The following BCAS3 variants were observed in gnomAD, a reference collection of about 807,000 sequenced individuals.
BCAS3 encodes the protein BCAS4/BCAS3 fusion.
In BCAS3, 53 loss-of-function variants were observed where a neutral mutation model predicts 116.1. That is an observed-to-expected ratio of 0.46 (90% confidence interval 0.37 to 0.57). The LOEUF is 0.57. Among genes scored for constraint, BCAS3 ranks in the 20% least tolerant of loss-of-function variants. The probability of loss-of-function intolerance (pLI) is 0.00; values close to 1 mark genes in which losing one functional copy is unlikely to be tolerated. For missense variants in BCAS3, 917 were observed against 1,165.4 expected (o/e 0.79, Z 3.10); for synonymous variants, 391 against 408.2 (o/e 0.96, Z 0.51).
intron 5 of BCAS3, among the ~76,000 whole-genome samples, chr17:60,710,297 C>T (rs2037698044): frequency 6.6e-6 from 1 of 152,056 alleles, no homozygotes; most frequent in Non-Finnish European, 1.5e-5. Flanking sequence ...TATTGTTGCT[C>T]CTTGAATGAT....
intron 22 of BCAS3, among the ~76,000 whole-genome samples, chr17:61,308,472 C>A (rs991804923): frequency 6.8e-6 from 1 of 147,072 alleles, no homozygotes. Context: ...GGAGGAATTT[C>A]TCTAAACACA....
At chr17:60,765,018 C>CT (rs1292877244) in intron 6 of BCAS3, among the ~76,000 whole-genome samples, 3 of 151,834 alleles carry the variant, frequency 2.0e-5, no homozygotes, top group African/African-American at 7.3e-5. Context: ...GCAACCCCTG[C>CT]TTTTTTTTGC....
intron 5 of BCAS3, among the ~76,000 whole-genome samples, chr17:60,726,204 A>AT (rs111326766): frequency 2.2e-3 from 244 of 109,518 alleles, no homozygotes; most frequent in Middle Eastern, 7.9e-3. Context: ...CAGAGGGAGG[A>AT]TTTTTTTTTT....
Position 61,037,900 on chromosome 17 carries a change from C to G in BCAS3, c.1774C>G (p.Gln592Glu). ...TTCTCTGTTTGTAGATCAGTCCAAA[C>G]AAGTTGTAGTTGAGTCCCTGTACAT... ...GLKREKDQSK[Q>E]VVVESLYIIS... The change falls in exon 18 of 24, where the codon CAA becomes GAA. Residue 592 changes from glutamine to glutamate, a missense_variant. Transcript: ENST00000407086. The surrounding 1 kb of genome is among the most constrained non-coding windows in gnomAD (Gnocchi z 4.7). The G allele has an allele frequency of 6.2e-7, 1 of 1,613,786 alleles. No individual in the cohort carries two copies.
chr17:60,791,544 A>G (rs1253896398), intron 6 of BCAS3, among the ~76,000 whole-genome samples: 1 of 151,776 alleles, frequency 6.6e-6, no homozygotes, highest in Non-Finnish European at 1.5e-5. Context: ...GTACTAGCTG[A>G]CTGGGAGGCT....
intron 3 of BCAS3, 113 bp from the exon 4 acceptor site, chr17:60,689,573 G>C (rs527559573): frequency 1.6e-6 from 1 of 607,586 alleles, no homozygotes; most frequent in South Asian, 2.4e-5. Flanking sequence ...CCAAGATGTA[G>C]GGTTGGTGAA....
At position 61,189,123 on chromosome 17, in the gene BCAS3, AAG is replaced by A. The variant is rs754656266; in HGVS notation, c.2425+104575_2425+104576del. On this transcript the variant is annotated intron_variant, in intron 22 of 23. Coordinates refer to ENST00000407086, the MANE Select transcript of BCAS3 (RefSeq NM_017679.5). This position sits in a 1 kb window ranked among gnomAD's most constrained non-coding sequence, Gnocchi z 4.5. Reference sequence around the variant, plus strand: ...GCCTGAAAACAAAACAAAACAAAAAAAGAGAGAGAGAGAGAGAACAGCACACT... The same window carrying A: ...GCCTGAAAACAAAACAAAACAAAAAAAGAGAGAGAGAGAGAACAGCACACT... Among the ~76,000 whole-genome samples the A allele has an allele frequency of 5.3e-5, 8 of 151,730 alleles. No individual in the cohort carries two copies. The East Asian group carries it at 1.4e-3, about 26-fold the overall frequency.
Position 61,258,210 on chromosome 17 carries a change from T to C in BCAS3, c.2426-110117T>C, listed in dbSNP as rs1444176433. ...TCTTTTCTCTGAATATCTTTGTCTT[T>C]AATAGTCATTGCCCTCTTATGGGAC... On this transcript the variant is annotated intron_variant, in intron 22 of 23. Coordinates refer to ENST00000407086, the MANE Select transcript of BCAS3 (RefSeq NM_017679.5). The surrounding 1 kb of genome is among the most constrained non-coding windows in gnomAD (Gnocchi z 4.7). Among the ~76,000 whole-genome samples the C allele has an allele frequency of 6.6e-6, 1 of 152,246 alleles. No individual in the cohort carries two copies. Among genetic ancestry groups the C allele is most frequent in the Non-Finnish European group, 1.5e-5 (1 of 68,030 alleles).
intron 4 of BCAS3, among the ~76,000 whole-genome samples, chr17:60,704,548 G>A (rs2036861251): frequency 6.6e-6 from 1 of 151,886 alleles, no homozygotes; most frequent in Non-Finnish European, 1.5e-5. Context: ...GCCTTTTAAA[G>A]TTTTTTTTGA....
At chr17:60,952,134 G>A (rs867463992) in intron 14 of BCAS3, among the ~76,000 whole-genome samples, 2 of 152,018 alleles carry the variant, frequency 1.3e-5, no homozygotes, top group African/African-American at 4.8e-5. Flanking sequence ...TAATTAAAAT[G>A]TAAAAATCTT....
chr17:61,140,716 T>A lies in BCAS3; in HGVS notation c.2425+56152T>A, dbSNP rs969610217. On this transcript the variant is annotated intron_variant, in intron 22 of 23. Transcript: ENST00000407086. This position sits in a 1 kb window ranked among gnomAD's most constrained non-coding sequence, Gnocchi z 4.2. ...TCAATTAAAAGCTAATTGTTTGTGA[T>A]TTTTTAAGTTAATAAATATATATTT... 6.6e-6 allele frequency among the ~76,000 whole-genome samples: 1 copy of A among 152,190 alleles called. No homozygotes were observed. Among genetic ancestry groups the A allele is most frequent in the African/African-American group, 2.4e-5 (1 of 41,418 alleles).
At chr17:61,340,135 T>C (rs996104624) in intron 22 of BCAS3, among the ~76,000 whole-genome samples, 9 of 152,138 alleles carry the variant, frequency 5.9e-5, no homozygotes, top group Admixed American at 3.3e-4. Context: ...GACATCTCTT[T>C]CAAGGAGTTT....
chr17:61,386,005 G>C (rs919611339), intron 23 of BCAS3, among the ~76,000 whole-genome samples: 2 of 152,226 alleles, frequency 1.3e-5, no homozygotes, highest in Non-Finnish European at 1.5e-5. Context: ...GAGGGACCCT[G>C]TAGTCCTGTG....
At chr17:61,092,899 CTTTTTTT>C (rs959718467) in intron 22 of BCAS3, among the ~76,000 whole-genome samples, 2 of 79,544 alleles carry the variant, frequency 2.5e-5, no homozygotes, top group Admixed American at 1.6e-4. Flanking sequence ...TTTGTCCAGT[CTTTTTTT>C]TTTTTTTTTT....
chr17:60,993,674 T>A lies in BCAS3; in HGVS notation c.1486+3439T>A, dbSNP rs1013296886. On this transcript the variant is annotated intron_variant, in intron 15 of 23. Transcript: ENST00000407086. The surrounding 1 kb of genome is among the most constrained non-coding windows in gnomAD (Gnocchi z 4.2). ...TTACAGTTTGTGTGGGTAAACAGTC[T>A]GATGCTGGTCAAAAACAATGTAAAC... Among the ~76,000 whole-genome samples, 2 of 152,182 alleles carry A rather than the reference T, an allele frequency of 1.3e-5. No homozygotes were observed. The highest frequency in any genetic ancestry group is 4.8e-5 in the African/African-American group (2 of 41,466).
chr17:61,067,746 T>C (rs1464640849), intron 19 of BCAS3, among the ~76,000 whole-genome samples: 1 of 144,814 alleles, frequency 6.9e-6, no homozygotes, highest in African/African-American at 2.5e-5. Context: ...AAAAAATATA[T>C]ATATATATAT....
chr17:61,292,372 C>T (rs1022961222), intron 22 of BCAS3, among the ~76,000 whole-genome samples: 2 of 151,926 alleles, frequency 1.3e-5, no homozygotes, highest in Admixed American at 6.6e-5. Context: ...AATGAGGGGC[C>T]GGGCATGGTG....
intron 7 of BCAS3, among the ~76,000 whole-genome samples, chr17:60,819,136 G>C (rs1261787792): frequency 6.6e-6 from 1 of 152,148 alleles, no homozygotes; most frequent in Non-Finnish European, 1.5e-5. Flanking sequence ...ATAAACAGGA[G>C]TCACTAGTAT....
chr17:60,961,477 T>C lies in BCAS3; in HGVS notation c.1221+14125T>C, dbSNP rs2061409752. On this transcript the variant is annotated intron_variant, in intron 14 of 23. Coordinates refer to ENST00000407086, the MANE Select transcript of BCAS3 (RefSeq NM_017679.5). This position sits in a 1 kb window ranked among gnomAD's most constrained non-coding sequence, Gnocchi z 4.8. ...AGAATGAACCTCGAGATTACCCAGA[T>C]GTAGTAAATTATAAAAATTATTTTA... Among the ~76,000 whole-genome samples, 1 of 152,154 alleles carries C rather than the reference T, an allele frequency of 6.6e-6. No individual in the cohort carries two copies. Among genetic ancestry groups the C allele is most frequent in the African/African-American group, 2.4e-5 (1 of 41,438 alleles).
Sources: allele counts gnomAD v4.1 joint callset (sites outside exome capture counted in the v4.1 genomes callset), GRCh38; gene constraint gnomAD v4.1.1; non-coding constraint Gnocchi (gnomAD v3.1); transcripts MANE v1.5; gene names NCBI Gene and HGNC (gene_info 2026-07-23, HGNC 2026-07-21).